Variants in CTCFL observed in about 807,000 individuals in gnomAD.
CTCFL encodes transcriptional repressor CTCFL.
Under a neutral mutation model 67.4 loss-of-function variants are expected in CTCFL, and 36 were observed. The observed-to-expected ratio is 0.53, with a 90% CI of 0.41 to 0.71. CTCFL has a LOEUF of 0.71. Among genes scored for constraint, CTCFL ranks in the 30% least tolerant of loss-of-function variants. CTCFL has a pLI of 0.00. For missense variants in CTCFL, 786 were observed against 835.2 expected, an observed-to-expected ratio of 0.94 and a Z score of 0.73; for synonymous variants, 324 against 302.3, an observed-to-expected ratio of 1.07 and a Z score of -0.75.
chr20:57,510,659 C>A (rs553854822), intron 8 of CTCFL, among the ~76,000 whole-genome samples: 1 of 152,150 alleles, frequency 6.6e-6, no homozygotes, highest in Non-Finnish European at 1.5e-5. Context: ...GTCAGGAGAT[C>A]GAGACCATCC....
chr20:57,517,783 G>C (rs1257565596), intron 5 of CTCFL, among the ~76,000 whole-genome samples: 2 of 151,902 alleles, frequency 1.3e-5, no homozygotes, highest in Non-Finnish European at 2.9e-5. Context: ...CACTGGCACT[G>C]GGGGAGGGTC....
chr20:57,516,086 C>T (rs957778315), intron 5 of CTCFL, among the ~76,000 whole-genome samples: 17 of 152,152 alleles, frequency 1.1e-4, no homozygotes, highest in South Asian at 4.1e-4. Flanking sequence ...GAGAGACTTT[C>T]GCGTTCACCT....
chr20:57,514,472 G>C, intron 7 of CTCFL, 120 bp downstream of exon 7: 1 of 1,212,328 alleles, frequency 8.2e-7, no homozygotes, highest in East Asian at 2.3e-5. Context: ...TTCGTCCCAG[G>C]GCCAAGTTCC....
In CTCFL at chr20:57,508,803, G is replaced by A. The variant is rs201732065; in HGVS notation, c.1492-15C>T. On this transcript the variant is annotated splice_polypyrimidine_tract_variant and intron_variant, in intron 8 of 10. Coordinates refer to ENST00000243914, the MANE Select transcript of CTCFL (RefSeq NM_001386993.1). ...ATATGACGTTCCTAAGAGGGAAGGG[G>A]AAGAAAGCAGCTTGTCTAGTTCAAA... The A allele has an allele frequency of 7.9e-4, 1,273 of 1,611,794 alleles. No individual in the cohort carries two copies. The highest frequency in any genetic ancestry group is 9.9e-4 in the Non-Finnish European group (1,169 of 1,178,242).
At chr20:57,510,867 AAT>A (rs1352866055) in intron 8 of CTCFL, among the ~76,000 whole-genome samples, 1 of 152,232 alleles carries the variant, frequency 6.6e-6, no homozygotes, top group East Asian at 1.9e-4. Context: ...AAAATAAAAA[AAT>A]AAAAAAAGAA....
At chr20:57,521,170 G>A (rs1377985218) in intron 3 of CTCFL, among the ~76,000 whole-genome samples, 1 of 152,194 alleles carries the variant, frequency 6.6e-6, no homozygotes, top group Non-Finnish European at 1.5e-5. Flanking sequence ...TGTTTCTGTT[G>A]TTTGAAGCCA....
chr20:57,507,699 G>C (rs1051459927), intron 9 of CTCFL: 2 of 702,898 alleles, frequency 2.8e-6, no homozygotes, highest in Non-Finnish European at 5.2e-6. Flanking sequence ...TTCGGATGAT[G>C]CAGCCCTGGC....
At chr20:57,509,143 T>A (rs1006882373) in intron 8 of CTCFL, among the ~76,000 whole-genome samples, 7 of 152,186 alleles carry the variant, frequency 4.6e-5, no homozygotes, top group Non-Finnish European at 1.0e-4. Context: ...TACCTGAATT[T>A]ACAAAGGGCA....
intron 9 of CTCFL, among the ~76,000 whole-genome samples, chr20:57,506,295 C>CTT (rs1385238170): frequency 6.6e-6 from 1 of 151,542 alleles, no homozygotes; most frequent in African/African-American, 2.4e-5. Flanking sequence ...TATTTAGATA[C>CTT]TTTAACTGTT....
intron 7 of CTCFL, chr20:57,513,433 CA>C: frequency 1.0e-6 from 1 of 989,186 alleles, no homozygotes; most frequent in South Asian, 4.6e-5. Context: ...CACAGTGACT[CA>C]GACATTTAGA....
chr20:57,498,412 G>A lies in CTCFL; in HGVS notation c.*138C>T. On this transcript the variant is annotated 3_prime_UTR_variant, in exon 11 of 11. Transcript: ENST00000243914. ...GCTAAAAATTTCTAACTTGCTTTAGGAATTAGGGGCAGTGAACATGCAACC... is the reference window on the plus strand; with the variant it reads ...GCTAAAAATTTCTAACTTGCTTTAGAAATTAGGGGCAGTGAACATGCAACC... 2 of 1,438,382 alleles carry A rather than the reference G, an allele frequency of 1.4e-6. No homozygotes were observed. The highest frequency in any genetic ancestry group is 3.5e-5 in the South Asian group (2 of 57,326). The allele number at this position is 1,438,382 out of a possible 1,614,324, so 89.1% of individuals were successfully genotyped here. A position where few individuals can be genotyped will look rare whatever the true frequency, so the allele number is the denominator to read the frequency against.
In CTCFL at chr20:57,503,503, G is replaced by A; in HGVS notation, c.1773C>T (p.Ile591=). The A allele has an allele frequency of 6.2e-7, 1 of 1,614,178 alleles. No individual in the cohort carries two copies. The highest frequency in any genetic ancestry group is 8.5e-7 in the Non-Finnish European group (1 of 1,180,022). Residue 591 remains isoleucine (I), a synonymous_variant, in exon 10 of 11, where the codon ATC becomes ATT. Transcript: ENST00000243914. ...TCTGACCCTTTGTGGCTTCCTTCAG[G>A]ATGGTCTGCTTCCTCTTTCTTGTTC... ...GRRTRKRKQT[I]LKEATKGQKE... is the part of the protein sequence containing the mutation.
At chr20:57,513,894 T>A (rs2068722861) in intron 7 of CTCFL, 2 of 1,288,966 alleles carry the variant, frequency 1.6e-6, no homozygotes, top group African/African-American at 3.0e-5. Context: ...AAGAGGCTCG[T>A]TCACTCACGC....
At position 57,514,648 on chromosome 20, in the gene CTCFL, A is replaced by C. The variant is rs1336713108; in HGVS notation, c.1274T>G (p.Val425Gly). 6.2e-7 allele frequency: 1 copy of C among 1,614,104 alleles called. No homozygotes were observed. The change falls in exon 7 of 11, where the codon GTC (valine) becomes GGC (glycine). Residue 425 changes from valine to glycine, a missense_variant. Val to Gly is a moderately radical substitution (Grantham distance 109). Transcript: ENST00000243914. ...IHILQKHGEN[V>G]PKYQCPHCAT... ...ACAATGGGGACACTGGTATTTGGGG[A>C]CATTTTCGCCGTGTTTCTGCAGAAT...
At chr20:57,524,443 G>A in intron 1 of CTCFL, 4 of 1,368,418 alleles carry the variant, frequency 2.9e-6, no homozygotes, top group Non-Finnish European at 3.8e-6. Flanking sequence ...CAAAACCCTA[G>A]AACGAACAGG....
intron 10 of CTCFL, among the ~76,000 whole-genome samples, chr20:57,502,173 G>A (rs901382710): frequency 6.6e-6 from 1 of 152,202 alleles, no homozygotes; most frequent in African/African-American, 2.4e-5. Flanking sequence ...GGAAAGGCAG[G>A]CCGGGGGCAC....
At chr20:57,519,606 T>C (rs374421947) in intron 3 of CTCFL, among the ~76,000 whole-genome samples, 7 of 151,998 alleles carry the variant, frequency 4.6e-5, no homozygotes, top group South Asian at 2.1e-4. Context: ...GGGCACAGAG[T>C]GGACTAGGTA....
At chr20:57,510,809 T>C (rs760375000) in intron 8 of CTCFL, among the ~76,000 whole-genome samples, 8 of 152,126 alleles carry the variant, frequency 5.3e-5, no homozygotes, top group Admixed American at 2.6e-4. Flanking sequence ...TTTGCAGTGA[T>C]AGCGCCACTG....
Position 57,519,452 on chromosome 20 carries a change from A to G in CTCFL, c.755-75T>C, listed in dbSNP as rs184648976. ...TAAATACTTGAAAGTAAATCAGCAC[A>G]TCGTCCTTTCAACTAACGTGGGAAC... On this transcript the variant is annotated intron_variant, in intron 3 of 10. Transcript: ENST00000243914. 1.3e-5 allele frequency: 17 copies of G among 1,345,486 alleles called. No individual in the cohort carries two copies. In the African/African-American group the frequency reaches 1.7e-4, roughly 14 times the overall value. 83.3% of individuals were successfully genotyped at this position (1,345,486 alleles called of 1,614,324 possible). A position where few individuals can be genotyped will look rare whatever the true frequency, so the allele number is the denominator to read the frequency against.
Sources: allele counts gnomAD v4.1 joint callset (sites outside exome capture counted in the v4.1 genomes callset), GRCh38; gene constraint gnomAD v4.1.1; transcripts MANE v1.5; gene names NCBI Gene and HGNC (gene_info 2026-07-23, HGNC 2026-07-21).